Variants in EDIL3 observed in about 807,000 individuals in gnomAD.
EDIL3 encodes EGF-like repeat and discoidin I-like domain-containing protein 3.
Under a neutral mutation model 67.4 loss-of-function variants are expected in EDIL3, and 37 were observed. The ratio of observed to expected loss-of-function variants is 0.55; its 90% CI spans 0.42 to 0.72. The LOEUF (loss-of-function observed/expected upper bound fraction) is 0.72. Ranked by LOEUF, EDIL3 falls within the 30% of genes least tolerant of loss-of-function variation. The pLI is 0.00. For synonymous variants in EDIL3, 195 were observed against 196.3 expected, an observed-to-expected ratio of 0.99 and a Z score of 0.05; for missense variants, 527 against 586.3, an observed-to-expected ratio of 0.90 and a Z score of 1.04.
intron 4 of EDIL3, among the ~76,000 whole-genome samples, chr5:84,179,383 C>T (rs758286983): frequency 1.1e-4 from 16 of 152,210 alleles, no homozygotes; most frequent in Admixed American, 5.2e-4. Flanking sequence ...AGTTTAGATG[C>T]CCGTTGTACA....
intron 1 of EDIL3, among the ~76,000 whole-genome samples, chr5:84,344,445 T>C (rs55909335): frequency 0.26 from 39,695 of 151,820 alleles, 6,425 homozygotes; most frequent in Non-Finnish European, 0.36. Flanking sequence ...TTAATTTAAA[T>C]ATAAATATAA....
intron 5 of EDIL3, among the ~76,000 whole-genome samples, chr5:84,107,569 G>T (rs1747486714): frequency 6.6e-6 from 1 of 151,006 alleles, no homozygotes; most frequent in African/African-American, 2.4e-5. Flanking sequence ...CTACATATTG[G>T]GATTCTGCAT....
chr5:84,055,753 C>T (rs1746433449), intron 9 of EDIL3, among the ~76,000 whole-genome samples: 1 of 152,196 alleles, frequency 6.6e-6, no homozygotes, highest in African/African-American at 2.4e-5. Context: ...ATCAAAACCA[C>T]AATGAGATAC....
chr5:84,017,535 T>C (rs1745628040), intron 9 of EDIL3, among the ~76,000 whole-genome samples: 3 of 152,202 alleles, frequency 2.0e-5, no homozygotes, highest in Admixed American at 2.0e-4. Flanking sequence ...TATGACTTAC[T>C]GTAACTGTAA....
intron 1 of EDIL3, among the ~76,000 whole-genome samples, chr5:84,337,516 T>G (rs1747013518): frequency 6.6e-6 from 1 of 152,110 alleles, no homozygotes; most frequent in Non-Finnish European, 1.5e-5. Flanking sequence ...TATACATGTA[T>G]ATCTTCAGGG....
chr5:84,318,733 G>A (rs913088946), intron 1 of EDIL3, among the ~76,000 whole-genome samples: 2 of 152,108 alleles, frequency 1.3e-5, no homozygotes, highest in African/African-American at 4.8e-5. Context: ...ATACCATTCA[G>A]GACATAGGCA....
At position 83,942,594 on chromosome 5, in the gene EDIL3, A is replaced by G. The variant is rs1744244198; in HGVS notation, c.*825T>C. 6.6e-6 allele frequency: 1 copy of G among 152,090 alleles called. No individual in the cohort carries two copies. The highest frequency in any genetic ancestry group is 6.6e-5 in the Admixed American group (1 of 15,246). 9.4% of individuals were successfully genotyped at this position (152,090 alleles called of 1,614,324 possible). ...GCAAACTGAGAGTATGGGATTCTTT[A>G]TGAAGCAATTATTTGGAAATTAAAT... On this transcript the variant is annotated 3_prime_UTR_variant, in exon 11 of 11. Coordinates refer to ENST00000296591, the MANE Select transcript of EDIL3 (RefSeq NM_005711.5).
chr5:84,078,143 G>T (rs1000822037), intron 6 of EDIL3, among the ~76,000 whole-genome samples: 1 of 152,078 alleles, frequency 6.6e-6, no homozygotes, highest in African/African-American at 2.4e-5. Flanking sequence ...CCCTATTTCT[G>T]GGTATTTTTC....
intron 2 of EDIL3, among the ~76,000 whole-genome samples, chr5:84,234,349 G>T (rs1038440395): frequency 1.3e-5 from 2 of 152,106 alleles, no homozygotes; most frequent in East Asian, 1.9e-4. Context: ...GGACAGGAAG[G>T]CATCATACAG....
At chr5:84,011,184 T>C (rs537411786) in intron 9 of EDIL3, among the ~76,000 whole-genome samples, 1 of 152,302 alleles carries the variant, frequency 6.6e-6, no homozygotes, top group African/African-American at 2.4e-5. Flanking sequence ...CTTTACACAT[T>C]TTTAGTAGCT....
chr5:84,117,119 C>T (rs1255450593), intron 5 of EDIL3, among the ~76,000 whole-genome samples: 2 of 150,086 alleles, frequency 1.3e-5, no homozygotes, highest in African/African-American at 2.4e-5. Context: ...GCTCCGCCTC[C>T]CGGGTTCACG....
intron 1 of EDIL3, among the ~76,000 whole-genome samples, chr5:84,255,309 T>C (rs1283163935): frequency 6.6e-6 from 1 of 152,188 alleles, no homozygotes; most frequent in East Asian, 1.9e-4. Context: ...TTTCAAATAA[T>C]TCAGGTGGAG....
intron 1 of EDIL3, among the ~76,000 whole-genome samples, chr5:84,343,449 T>C (rs1304411700): frequency 6.6e-6 from 1 of 152,114 alleles, no homozygotes; most frequent in Non-Finnish European, 1.5e-5. Flanking sequence ...TTGTCAGTAA[T>C]GAATTGCCTT....
At chr5:84,169,601 G>T (rs1748776238) in intron 4 of EDIL3, among the ~76,000 whole-genome samples, 1 of 148,554 alleles carries the variant, frequency 6.7e-6, no homozygotes, top group Admixed American at 6.8e-5. Flanking sequence ...CTAAAACTTT[G>T]TCATTTCAAA....
intron 9 of EDIL3, among the ~76,000 whole-genome samples, chr5:83,997,942 A>T (rs996399361): frequency 2.0e-5 from 3 of 152,180 alleles, no homozygotes; most frequent in African/African-American, 7.2e-5. Flanking sequence ...CATTTAGACC[A>T]GCCCTAGCCA....
chr5:84,000,525 T>C (rs1745314345), intron 9 of EDIL3, among the ~76,000 whole-genome samples: 1 of 151,924 alleles, frequency 6.6e-6, no homozygotes, highest in African/African-American at 2.4e-5. Flanking sequence ...TGTAAGATGT[T>C]ACTTGCAAGC....
chr5:84,249,381 A>ATCTT (rs1744975616), intron 2 of EDIL3, among the ~76,000 whole-genome samples: 1 of 13,590 alleles, frequency 7.4e-5, no homozygotes, highest in Non-Finnish European at 1.8e-4. Flanking sequence ...ATATCTTTCT[A>ATCTT]TCTATCTATC....
chr5:84,268,740 G>A (rs979634915), intron 1 of EDIL3, among the ~76,000 whole-genome samples: 4 of 151,958 alleles, frequency 2.6e-5, no homozygotes, highest in Admixed American at 6.6e-5. Flanking sequence ...ATAATTCAGG[G>A]GCATATATTA....
chr5:84,198,763 A>T (rs1397237453), intron 3 of EDIL3, among the ~76,000 whole-genome samples: 1 of 152,080 alleles, frequency 6.6e-6, no homozygotes, highest in Non-Finnish European at 1.5e-5. Flanking sequence ...GTCATAAAAA[A>T]ATGTAAGCAG....
Sources: gnomAD v4.1 joint callset for allele counts (sites outside exome capture counted in the v4.1 genomes callset) on GRCh38, gnomAD v4.1.1 for gene constraint, MANE v1.5 for transcripts, NCBI Gene and HGNC (gene_info 2026-07-23, HGNC 2026-07-21) for gene names.